The following PSMB4 variants were observed in gnomAD, a reference collection of about 807,000 sequenced individuals.
The protein encoded by PSMB4 is proteasome subunit beta type-4.
PSMB4 carries 16 observed loss-of-function variants against 35.2 expected under a neutral mutation model. The observed-to-expected ratio is 0.45, with a 90% CI of 0.31 to 0.69. The LOEUF (loss-of-function observed/expected upper bound fraction) is 0.69. Ranked by LOEUF, PSMB4 falls within the 30% of genes least tolerant of loss-of-function variation. The pLI is 0.06. For missense variants in PSMB4, 333 were observed against 351.8 expected (o/e 0.95, Z 0.43); for synonymous variants, 144 against 134.1 (o/e 1.07, Z -0.51).
At chr1:151,401,732 A>T (rs1652850425) in intron 6 of PSMB4, 85 bp from the exon 7 acceptor site, 2 of 1,558,116 alleles carry the variant, frequency 1.3e-6, no homozygotes, top group East Asian at 4.5e-5. Context: ...TTCTGGGTGG[A>T]AAGTTTTGGT....
At chr1:151,400,413 C>T in intron 2 of PSMB4, 29 bp from the exon 3 acceptor site, 6 of 1,607,636 alleles carry the variant, frequency 3.7e-6, no homozygotes, top group Non-Finnish European at 5.1e-6. Flanking sequence ...TTAATTCTCT[C>T]CCTTTTCTCA....
chr1:151,401,268 G>A lies in PSMB4; in HGVS notation c.606G>A (p.Gln202=). ...TGCTGCGAGAAGTTCTGGAGAAGCA[G>A]CCAGTGCTAAGCCAGACCGAGGCCC... is the stretch of plus-strand genomic sequence containing the variant. ...QPLLREVLEK[Q]PVLSQTEARD... The change falls in exon 5 of 7, where the codon CAG becomes CAA. Residue 202 remains glutamine, a synonymous_variant. Transcript: ENST00000290541. 10 of 1,614,144 alleles carry A rather than the reference G, an allele frequency of 6.2e-6. No homozygotes were observed. The highest frequency in any genetic ancestry group is 8.5e-6 in the Non-Finnish European group (10 of 1,180,042).
chr1:151,399,816 C>T, intron 1 of PSMB4, 89 bp downstream of exon 1: 1 of 1,600,880 alleles, frequency 6.2e-7, no homozygotes, highest in Non-Finnish European at 8.5e-7. Flanking sequence ...GAAGGTGAGG[C>T]GGGGACCCCG....
In PSMB4 at chr1:151,401,264, A is replaced by G; in HGVS notation, c.602A>G (p.Lys201Arg). 6.2e-7 allele frequency: 1 copy of G among 1,614,118 alleles called. No individual in the cohort carries two copies. Residue 201 changes from lysine to arginine, a missense_variant, in exon 5 of 7, where the codon AAG becomes AGG. Physicochemically the swap from Lys to Arg is conservative, Grantham distance 26 (BLOSUM62 2). Transcript: ENST00000290541. ...AQPLLREVLE[K>R]QPVLSQTEAR... ...CCTCTGCTGCGAGAAGTTCTGGAGA[A>G]GCAGCCAGTGCTAAGCCAGACCGAG... is the stretch of plus-strand genomic sequence containing the variant.
intron 4 of PSMB4, 53 bp from the exon 5 acceptor site, chr1:151,401,186 T>C: frequency 7.3e-7 from 1 of 1,372,102 alleles, no homozygotes; most frequent in Non-Finnish European, 1.0e-6. Flanking sequence ...TTGAGACAAC[T>C]AGCCTGTTAT....
intron 3 of PSMB4, 49 bp from the exon 4 acceptor site, chr1:151,400,715 T>C (rs1005931511): frequency 2.5e-6 from 4 of 1,612,012 alleles, no homozygotes; most frequent in Non-Finnish European, 3.4e-6. Flanking sequence ...CTTCTTCAGC[T>C]AAGATGAATC....
At chr1:151,399,956 A>C in intron 1 of PSMB4, 25 bp from the exon 2 acceptor site, 1 of 1,607,792 alleles carries the variant, frequency 6.2e-7, no homozygotes, top group Non-Finnish European at 8.5e-7. Context: ...CCCCCCTCTC[A>C]GCTCCCACCG....
chr1:151,399,788 C>T (rs2102121248), intron 1 of PSMB4, 61 bp downstream of exon 1: 1 of 1,610,362 alleles, frequency 6.2e-7, no homozygotes, highest in Middle Eastern at 2.0e-4. Context: ...GTGCTGCCGG[C>T]TGGTTTTGAG....
chr1:151,399,752 C>T (rs1652751975), intron 1 of PSMB4, 25 bp downstream of exon 1: 1 of 1,613,372 alleles, frequency 6.2e-7, no homozygotes, highest in African/African-American at 1.3e-5. Context: ...CTTTCGTTTG[C>T]GTAGCGGGAG....
rs766768031 is a variant in PSMB4 at position 151,401,589 on chromosome 1, A to G, written c.741A>G (p.Pro247=). 2 of 1,612,844 alleles carry G rather than the reference A, an allele frequency of 1.2e-6. No homozygotes were observed. Among genetic ancestry groups the G allele is most frequent in the Non-Finnish European group, 8.5e-7 (1 of 1,178,902 alleles). The change falls in exon 6 of 7, where the codon CCA becomes CCG. Residue 247 remains proline, a synonymous_variant. Transcript: ENST00000290541. Reference sequence around the variant, plus strand: ...AAAAAGGTGTTGAAATAGAGGGACCATTGTCTACAGAGACCAACTGGGATA... The same window carrying G: ...AAAAAGGTGTTGAAATAGAGGGACCGTTGTCTACAGAGACCAACTGGGATA... ...VTEKGVEIEG[P]LSTETNWDIA...
Position 151,401,894 on chromosome 1 carries a change from A to AGAT in PSMB4, c.*66_*68dup. ...TTAACTTTGAACTTGGCTAGTTCAA[A>AGAT]GATAGACTCTTCTTTTGTAAAGTAA... On this transcript the variant is annotated 3_prime_UTR_variant, in exon 7 of 7. Coordinates refer to ENST00000290541, the MANE Select transcript of PSMB4 (RefSeq NM_002796.3). 7.0e-7 allele frequency: 1 copy of AGAT among 1,433,474 alleles called. No homozygotes were observed. The highest frequency in any genetic ancestry group is 1.4e-5 in the African/African-American group (1 of 70,536). 88.8% of individuals were successfully genotyped at this position (1,433,474 alleles called of 1,614,324 possible). A position where few individuals can be genotyped will look rare whatever the true frequency, so the allele number is the denominator to read the frequency against.
In PSMB4 at chr1:151,401,302, G is replaced by A. The variant is rs762721519; in HGVS notation, c.640G>A (p.Val214Ile). 1 of 1,614,138 alleles carries A rather than the reference G, an allele frequency of 6.2e-7. No individual in the cohort carries two copies. The highest frequency in any genetic ancestry group is 8.5e-7 in the Non-Finnish European group (1 of 1,180,030). Residue 214 changes from valine to isoleucine, a missense_variant, in exon 5 of 7, where the codon GTA (valine) becomes ATA (isoleucine). Transcript: ENST00000290541. ...VLSQTEARDL[V>I]ERCMRVLYYR... ...AAGCCAGACCGAGGCCCGCGACTTA[G>A]TAGAACGCTGCATGCGAGTGCTGTA...
chr1:151,400,198 C>T lies in PSMB4; in HGVS notation c.347+11C>T. On this transcript the variant is annotated intron_variant, in intron 2 of 6. Coordinates refer to ENST00000290541, the MANE Select transcript of PSMB4 (RefSeq NM_002796.3). Reference sequence around the variant, plus strand: ...TCTCGGCCAGATGGTGTAAGTCATCCAGAGAACAGGAGAGTGGTTCCCAAG... The same window carrying T: ...TCTCGGCCAGATGGTGTAAGTCATCTAGAGAACAGGAGAGTGGTTCCCAAG... 6.2e-7 allele frequency: 1 copy of T among 1,613,022 alleles called. No individual in the cohort carries two copies.
In PSMB4 at chr1:151,399,964, C is replaced by A. The variant is rs971839970; in HGVS notation, c.141-17C>A. ...AGTCCATCCCCCCTCTCAGCTCCCA[C>A]CGTTCTCACTCTTTAGGAACCCCAT... On this transcript the variant is annotated splice_polypyrimidine_tract_variant and intron_variant, in intron 1 of 6. Coordinates refer to ENST00000290541, the MANE Select transcript of PSMB4 (RefSeq NM_002796.3). 1.9e-5 allele frequency: 31 copies of A among 1,611,688 alleles called. No homozygotes were observed. The highest frequency in any genetic ancestry group is 2.5e-5 in the Non-Finnish European group (30 of 1,178,744).
At chr1:151,401,195 A>C in intron 4 of PSMB4, 44 bp from the exon 5 acceptor site, 1 of 1,461,872 alleles carries the variant, frequency 6.8e-7, no homozygotes, top group Non-Finnish European at 9.6e-7. Context: ...CTAGCCTGTT[A>C]TTCAGCCCAA....
Position 151,401,342 on chromosome 1 carries a change from G to T in PSMB4, c.680G>T (p.Arg227Leu). Residue 227 changes from arginine (R) to leucine (L), a missense_variant, in exon 5 of 7, where the codon CGT becomes CTT. By Grantham distance (102) the Arg-to-Leu change is moderately radical. Transcript: ENST00000290541. The part of the protein sequence containing the change: ...CMRVLYYRDA[R>L]SYNRFQIATV... The stretch of plus-strand genomic sequence containing the variant: ...CGAGTGCTGTACTACCGAGATGCCC[G>T]TTCTTACAACCGGGTGAGGGATGTG... 6.2e-7 allele frequency: 1 copy of T among 1,614,062 alleles called. No individual in the cohort carries two copies. The highest frequency in any genetic ancestry group is 8.5e-7 in the Non-Finnish European group (1 of 1,180,022).
chr1:151,401,655 GACAGAC>G (rs1557855645), intron 6 of PSMB4, 25 bp downstream of exon 6: 1 of 1,577,986 alleles, frequency 6.3e-7, no homozygotes. Context: ...AAAAATTGGT[GACAGAC>G]TTGGGAGGTC....
At position 151,401,231 on chromosome 1, in the gene PSMB4, C is replaced by G; in HGVS notation, c.577-8C>G. On this transcript the variant is annotated splice_polypyrimidine_tract_variant and splice_region_variant and intron_variant, in intron 4 of 6. Transcript: ENST00000290541. Reference sequence around the variant, plus strand: ...TATCCCCCCATGGTTTTCCCCCAATCTCCCTAGCCTCTGCTGCGAGAAGTT... The same window carrying G: ...TATCCCCCCATGGTTTTCCCCCAATGTCCCTAGCCTCTGCTGCGAGAAGTT... 1 of 1,612,572 alleles carries G rather than the reference C, an allele frequency of 6.2e-7. No homozygotes were observed. Among genetic ancestry groups the G allele is most frequent in the African/African-American group, 1.3e-5 (1 of 75,006 alleles).
chr1:151,401,706 C>T (rs1346706991), intron 6 of PSMB4, 76 bp downstream of exon 6: 3 of 1,537,190 alleles, frequency 2.0e-6, no homozygotes, highest in Non-Finnish European at 2.7e-6. Context: ...TTCTGGGAGG[C>T]TCACCCAGGA....
Sources: gnomAD v4.1 joint callset for allele counts on GRCh38, gnomAD v4.1.1 for gene constraint, MANE v1.5 for transcripts, NCBI Gene and HGNC (gene_info 2026-07-23, HGNC 2026-07-21) for gene names.